MRPS28: variants seen among roughly 807,000 people sequenced by gnomAD.
MRPS28 encodes the protein small ribosomal subunit protein bS1m.
Under a neutral mutation model 10.8 loss-of-function variants are expected in MRPS28, and 7 were observed. The ratio of observed to expected loss-of-function variants is 0.65; its 90% CI spans 0.37 to 1.22. The LOEUF (loss-of-function observed/expected upper bound fraction) is 1.22. Among genes scored for constraint, MRPS28 ranks in the 50% most tolerant of loss-of-function variants. The pLI is 0.02. For missense variants in MRPS28, 265 were observed against 232.9 expected (o/e 1.14, Z -0.90); for synonymous variants, 121 against 93.3 (o/e 1.30, Z -1.71).
At chr8:79,991,709 T>A (rs939886881) in intron 2 of MRPS28, among the ~76,000 whole-genome samples, 1 of 152,228 alleles carries the variant, frequency 6.6e-6, no homozygotes, top group African/African-American at 2.4e-5. Flanking sequence ...TATTAAAAGT[T>A]AAGCTTTGTT....
intron 2 of MRPS28, among the ~76,000 whole-genome samples, chr8:79,943,791 A>G (rs920937443): frequency 2.0e-5 from 3 of 152,208 alleles, no homozygotes; most frequent in Non-Finnish European, 4.4e-5. Context: ...ATTGATGTTA[A>G]TATTTCTCTT....
chr8:80,021,410 G>A (rs76502808), intron 1 of MRPS28, among the ~76,000 whole-genome samples: 3,044 of 152,242 alleles, frequency 0.02, 37 homozygotes, highest in South Asian at 0.028. Flanking sequence ...TATCGTGGGA[G>A]CAGGAGAAAC....
intron 2 of MRPS28, among the ~76,000 whole-genome samples, chr8:79,975,628 G>A (rs1238104978): frequency 2.6e-5 from 4 of 151,794 alleles, no homozygotes; most frequent in Non-Finnish European, 4.4e-5. Context: ...TTAAATAAAC[G>A]GCCAAACGTT....
intron 1 of MRPS28, among the ~76,000 whole-genome samples, chr8:80,017,661 T>C (rs935905698): frequency 6.6e-6 from 1 of 152,194 alleles, no homozygotes; most frequent in African/African-American, 2.4e-5. Context: ...TGGTGAGTTC[T>C]ACCAAACATT....
chr8:79,992,263 A>G (rs777980197), intron 2 of MRPS28, among the ~76,000 whole-genome samples: 1 of 152,242 alleles, frequency 6.6e-6, no homozygotes, highest in Non-Finnish European at 1.5e-5. Flanking sequence ...TTATTGTTTT[A>G]AGCCACTAAG....
chr8:79,939,504 A>G (rs1472176154), intron 2 of MRPS28, among the ~76,000 whole-genome samples: 1 of 152,152 alleles, frequency 6.6e-6, no homozygotes, highest in Middle Eastern at 3.2e-3. Flanking sequence ...AGAAAAATCT[A>G]CTATTAAATA....
At chr8:80,026,922 A>T (rs1809506105) in intron 1 of MRPS28, among the ~76,000 whole-genome samples, 1 of 152,136 alleles carries the variant, frequency 6.6e-6, no homozygotes, top group East Asian at 1.9e-4. Context: ...AAGAAAAAAA[A>T]TTATTTTTTA....
chr8:79,970,214 GT>G (rs568951052), intron 2 of MRPS28, among the ~76,000 whole-genome samples: 1 of 151,792 alleles, frequency 6.6e-6, no homozygotes, highest in Non-Finnish European at 1.5e-5. Context: ...CAGATCACGG[GT>G]TTTTTTTACC....
intron 2 of MRPS28, among the ~76,000 whole-genome samples, chr8:80,002,698 T>C (rs944160077): frequency 1.3e-5 from 2 of 152,078 alleles, no homozygotes; most frequent in Non-Finnish European, 2.9e-5. Context: ...CCAGGCAAAA[T>C]AGCCTAAGCA....
At chr8:79,952,204 A>C (rs1244541419) in intron 2 of MRPS28, among the ~76,000 whole-genome samples, 4 of 152,200 alleles carry the variant, frequency 2.6e-5, no homozygotes, top group African/African-American at 9.6e-5. Context: ...AAAATTTGTT[A>C]GGATATTTTC....
At chr8:80,019,803 T>A (rs994089005) in intron 1 of MRPS28, among the ~76,000 whole-genome samples, 1 of 152,190 alleles carries the variant, frequency 6.6e-6, no homozygotes, top group African/African-American at 2.4e-5. Flanking sequence ...ATAAGGTTAA[T>A]ATACAAAAAA....
chr8:79,986,812 G>A (rs1208156953), intron 2 of MRPS28, among the ~76,000 whole-genome samples: 5 of 151,968 alleles, frequency 3.3e-5, no homozygotes, highest in Admixed American at 6.5e-5. Context: ...CATGCTCATG[G>A]GTAGGAAGAA....
chr8:80,022,391 G>A (rs1323621460), intron 1 of MRPS28, among the ~76,000 whole-genome samples: 1 of 152,212 alleles, frequency 6.6e-6, no homozygotes, highest in African/African-American at 2.4e-5. Flanking sequence ...TACAAATGAA[G>A]CTGTTAGGAA....
chr8:80,004,269 G>A (rs1808758905), intron 1 of MRPS28, among the ~76,000 whole-genome samples: 1 of 152,190 alleles, frequency 6.6e-6, no homozygotes, highest in South Asian at 2.1e-4. Context: ...ACACAGCCGG[G>A]TACCCCTCTG....
intron 1 of MRPS28, among the ~76,000 whole-genome samples, chr8:80,011,934 TTAGTA>T (rs1394995626): frequency 6.6e-6 from 1 of 152,188 alleles, no homozygotes; most frequent in Admixed American, 6.5e-5. Flanking sequence ...TGAGCTAAGA[TTAGTA>T]TAATAGTAAG....
intron 2 of MRPS28, among the ~76,000 whole-genome samples, chr8:79,921,256 T>C (rs897996134): frequency 9.2e-5 from 14 of 152,204 alleles, no homozygotes; most frequent in African/African-American, 3.4e-4. Context: ...TGGCTTAGGA[T>C]TGACTTGGCG....
intron 2 of MRPS28, among the ~76,000 whole-genome samples, chr8:79,966,548 T>G (rs1179074069): frequency 1.3e-5 from 2 of 152,078 alleles, no homozygotes; most frequent in Non-Finnish European, 2.9e-5. Flanking sequence ...TCTCATTTCT[T>G]TGAAAATTTA....
At chr8:79,964,276 A>G (rs373664657) in intron 2 of MRPS28, among the ~76,000 whole-genome samples, 66 of 152,254 alleles carry the variant, frequency 4.3e-4, no homozygotes, top group African/African-American at 1.1e-3. Context: ...TCCCAAGCAC[A>G]TACACATCTC....
At chr8:79,954,415 T>C (rs1240717208) in intron 2 of MRPS28, among the ~76,000 whole-genome samples, 1 of 152,134 alleles carries the variant, frequency 6.6e-6, no homozygotes, top group Non-Finnish European at 1.5e-5. Flanking sequence ...TAACAGACTG[T>C]ATTCTGCAAC....
Sources: gnomAD v4.1 joint callset for allele counts (sites outside exome capture counted in the v4.1 genomes callset) on GRCh38, gnomAD v4.1.1 for gene constraint, MANE v1.5 for transcripts, NCBI Gene and HGNC (gene_info 2026-07-23, HGNC 2026-07-21) for gene names.